ANGPT1: variants seen among roughly 807,000 people sequenced by gnomAD.
ANGPT1 encodes angiopoietin-1.
A neutral mutation model predicts 62.2 loss-of-function variants in ANGPT1; 17 were observed. The observed-to-expected ratio is 0.27, with a 90% confidence interval of 0.19 to 0.41. ANGPT1 has a LOEUF of 0.41. Among genes scored for constraint, ANGPT1 ranks in the 10% least tolerant of loss-of-function variants. The probability of loss-of-function intolerance (pLI) is 1.00; values close to 1 mark genes in which losing one functional copy is unlikely to be tolerated. For synonymous variants in ANGPT1, 199 were observed against 198.9 expected (o/e 1.00, Z 0.00); for missense variants, 478 against 594.9 (o/e 0.80, Z 2.04).
Position 107,252,079 on chromosome 8 carries a change from T to C in ANGPT1, c.1337-64A>G, listed in dbSNP as rs879097151. ...CAACAATTTTAAGTAAATGGAATATTTGGAAATTAATGGCATTAAATGATG... is the reference window on the plus strand; with the variant it reads ...CAACAATTTTAAGTAAATGGAATATCTGGAAATTAATGGCATTAAATGATG... On this transcript the variant is annotated intron_variant, in intron 8 of 8. Coordinates refer to ENST00000517746, the MANE Select transcript of ANGPT1 (RefSeq NM_001146.5). 4 of 1,535,608 alleles carry C rather than the reference T, an allele frequency of 2.6e-6. No homozygotes were observed. Among genetic ancestry groups the C allele is most frequent in the African/African-American group, 2.8e-5 (2 of 72,484 alleles).
intron 1 of ANGPT1, among the ~76,000 whole-genome samples, chr8:107,457,298 T>C (rs1009760917): frequency 3.3e-5 from 5 of 152,124 alleles, no homozygotes; most frequent in Non-Finnish European, 7.4e-5. Context: ...CACATATGAA[T>C]GTCTTCCTGT....
At chr8:107,430,259 T>C (rs145935178) in intron 1 of ANGPT1, among the ~76,000 whole-genome samples, 1 of 152,346 alleles carries the variant, frequency 6.6e-6, no homozygotes, top group East Asian at 1.9e-4. Context: ...AATGAAAAAT[T>C]AGTTTGGGAC....
In ANGPT1 at chr8:107,363,588, A is replaced by T. The variant is rs80174958; in HGVS notation, c.298-16491T>A. Among the ~76,000 whole-genome samples, 1,361 of 152,310 alleles carry T rather than the reference A, an allele frequency of 8.9e-3. 9 individuals carry two copies. The highest frequency in any genetic ancestry group is 0.014 in the Non-Finnish European group (947 of 68,030). On this transcript the variant is annotated intron_variant, in intron 1 of 8. Transcript: ENST00000517746. ...TCCCTCTCTGTGCTTTAGCTTCTGCATCTAGAAAAAGCGAAGAATAATGCA... is the reference window on the plus strand; with the variant it reads ...TCCCTCTCTGTGCTTTAGCTTCTGCTTCTAGAAAAAGCGAAGAATAATGCA...
chr8:107,347,128 A>G, intron 1 of ANGPT1, 31 bp from the exon 2 acceptor site: 10 of 1,588,806 alleles, frequency 6.3e-6, no homozygotes, highest in Non-Finnish European at 6.9e-6. Context: ...AACATATTAC[A>G]TTATAAGCAA....
intron 1 of ANGPT1, among the ~76,000 whole-genome samples, chr8:107,359,198 G>A (rs908401748): frequency 6.6e-6 from 1 of 151,962 alleles, no homozygotes; most frequent in African/African-American, 2.4e-5. Context: ...ATATCCCAAC[G>A]CCTGACTTAC....
chr8:107,268,163 A>AG (rs1469744361), intron 7 of ANGPT1, among the ~76,000 whole-genome samples: 6 of 152,124 alleles, frequency 3.9e-5, no homozygotes, highest in African/African-American at 9.7e-5. Flanking sequence ...TGAGATAGAG[A>AG]AAGGCCTCAA....
intron 1 of ANGPT1, among the ~76,000 whole-genome samples, chr8:107,480,552 A>C (rs1812650733): frequency 1.3e-5 from 2 of 152,238 alleles, no homozygotes; most frequent in African/African-American, 4.8e-5. Context: ...GCAGCAGACT[A>C]TCCACACACA....
At chr8:107,439,805 C>T (rs1442351513) in intron 1 of ANGPT1, among the ~76,000 whole-genome samples, 1 of 152,140 alleles carries the variant, frequency 6.6e-6, no homozygotes, top group Non-Finnish European at 1.5e-5. Context: ...TACAAGCAGG[C>T]AGGCTCACCA....
chr8:107,430,791 C>G (rs1175818692), intron 1 of ANGPT1, among the ~76,000 whole-genome samples: 3 of 152,304 alleles, frequency 2.0e-5, no homozygotes, highest in Middle Eastern at 3.4e-3. Context: ...CCAAAAGGAA[C>G]CAACTTTGCC....
intron 1 of ANGPT1, among the ~76,000 whole-genome samples, chr8:107,435,411 T>C (rs1414261800): frequency 6.6e-6 from 1 of 152,202 alleles, no homozygotes; most frequent in Admixed American, 6.5e-5. Context: ...CAAATGCTTC[T>C]CAAAATGTAA....
chr8:107,261,794 A>G (rs1423804831), intron 8 of ANGPT1, among the ~76,000 whole-genome samples: 1 of 152,160 alleles, frequency 6.6e-6, no homozygotes, highest in Non-Finnish European at 1.5e-5. Flanking sequence ...TGGGGCTGGT[A>G]TCATATTGAA....
intron 4 of ANGPT1, among the ~76,000 whole-genome samples, chr8:107,304,398 G>A (rs189132013): frequency 6.6e-6 from 1 of 151,632 alleles, no homozygotes; most frequent in East Asian, 1.9e-4. Context: ...TAGAAATTAA[G>A]ATTAAGACTA....
intron 4 of ANGPT1, among the ~76,000 whole-genome samples, chr8:107,310,936 A>AGTGT (rs35357623): frequency 1.8e-4 from 25 of 140,568 alleles, no homozygotes; most frequent in East Asian, 1.3e-3. Context: ...TGTTAGTGTG[A>AGTGT]GTGTGTGTGT....
intron 8 of ANGPT1, among the ~76,000 whole-genome samples, chr8:107,255,607 A>AT (rs1469974131): frequency 1.3e-5 from 2 of 152,162 alleles, no homozygotes; most frequent in Non-Finnish European, 2.9e-5. Context: ...GCATTTTCTC[A>AT]TTTTATCCCC....
At chr8:107,254,760 A>G (rs1366920591) in intron 8 of ANGPT1, among the ~76,000 whole-genome samples, 1 of 152,142 alleles carries the variant, frequency 6.6e-6, no homozygotes, top group Non-Finnish European at 1.5e-5. Flanking sequence ...AAGGTGGAGG[A>G]ATAGGCAGTC....
chr8:107,258,949 T>G (rs1813431460), intron 8 of ANGPT1, among the ~76,000 whole-genome samples: 1 of 152,202 alleles, frequency 6.6e-6, no homozygotes, highest in African/African-American at 2.4e-5. Context: ...ATTTACTCAC[T>G]AAACCAATAT....
chr8:107,320,121 A>T (rs1815116217), intron 4 of ANGPT1, among the ~76,000 whole-genome samples: 1 of 152,112 alleles, frequency 6.6e-6, no homozygotes, highest in South Asian at 2.1e-4. Context: ...TCACTTCCTG[A>T]ATGGCTATGA....
At chr8:107,354,684 C>G (rs1468208599) in intron 1 of ANGPT1, among the ~76,000 whole-genome samples, 3 of 152,124 alleles carry the variant, frequency 2.0e-5, no homozygotes, top group Non-Finnish European at 4.4e-5. Flanking sequence ...CCATAGCAGG[C>G]ACATCTGTTT....
rs559206618 is a variant in ANGPT1, at chr8:107,448,772, C to T, written c.297+48490G>A. Among the ~76,000 whole-genome samples, 5 of 152,254 alleles carry T rather than the reference C, an allele frequency of 3.3e-5. No individual in the cohort carries two copies. In the South Asian group the frequency reaches 1.0e-3, roughly 32 times the overall value. On this transcript the variant is annotated intron_variant, in intron 1 of 8. Transcript: ENST00000517746. ...AAAGAACGTCTTTAGATAAAACATT[C>T]TATAGCGAGAACCCAAAAAGAATCC...
Sources: gnomAD v4.1 joint callset for allele counts (sites outside exome capture counted in the v4.1 genomes callset) on GRCh38, gnomAD v4.1.1 for gene constraint, MANE v1.5 for transcripts, NCBI Gene and HGNC (gene_info 2026-07-23, HGNC 2026-07-21) for gene names.